The following SGCD variants were observed in gnomAD, a reference collection of about 807,000 sequenced individuals.
SGCD encodes the protein delta-sarcoglycan.
Under a neutral mutation model 36.6 loss-of-function variants are expected in SGCD, and 18 were observed. The ratio of observed to expected loss-of-function variants is 0.49; its 90% confidence interval spans 0.34 to 0.73. The LOEUF is 0.73. Among genes scored for constraint, SGCD ranks in the 30% least tolerant of loss-of-function variants. SGCD has a pLI of 0.01. For missense variants in SGCD, 387 were observed against 346.7 expected, an observed-to-expected ratio of 1.12 and a Z score of -0.92; for synonymous variants, 133 against 130.6, an observed-to-expected ratio of 1.02 and a Z score of -0.12.
chr5:156,642,798 T>A (rs1399501438), intron 6 of SGCD, among the ~76,000 whole-genome samples: 1 of 151,966 alleles, frequency 6.6e-6, no homozygotes, highest in African/African-American at 2.4e-5. Flanking sequence ...ATTTCCCAAC[T>A]GTGAAGCGTT....
intron 2 of SGCD, among the ~76,000 whole-genome samples, chr5:156,120,297 C>A (rs1762007033): frequency 6.6e-6 from 1 of 151,892 alleles, no homozygotes; most frequent in Non-Finnish European, 1.5e-5. Context: ...AGTGTTGTTC[C>A]CAAGAAAACC....
chr5:156,428,966 C>T (rs2127786056), intron 3 of SGCD, among the ~76,000 whole-genome samples: 1 of 152,060 alleles, frequency 6.6e-6, no homozygotes, highest in East Asian at 1.9e-4. Flanking sequence ...TATGGTCTAT[C>T]TTAGAGAATA....
the SGCD span, among the ~76,000 whole-genome samples, chr5:155,731,182 TAGAAAG>T: frequency 1.0e-3 from 153 of 145,846 alleles, no homozygotes; most frequent in African/African-American, 3.4e-3. Context: ...CACACAGAGA[TAGAAAG>T]AGAGAGGGAG....
Position 156,644,446 on chromosome 5 carries a change from A to G in SGCD, c.503-3018A>G, listed in dbSNP as rs565407178. 2.6e-5 allele frequency among the ~76,000 whole-genome samples: 4 copies of G among 151,228 alleles called. No individual in the cohort carries two copies. The South Asian group carries it at 6.3e-4, about 24-fold the overall frequency. ...GGCTTTGATGTTTTAGTTAAGTTTC[A>G]TTTTTGCTCTCTGCCATTTTATCTA... On this transcript the variant is annotated intron_variant, in intron 6 of 8. Transcript: ENST00000337851.
chr5:155,833,245 G>A, the SGCD span, among the ~76,000 whole-genome samples: 23 of 151,654 alleles, frequency 1.5e-4, no homozygotes, highest in African/African-American at 5.6e-4. Flanking sequence ...AAGTCAGAAG[G>A]TACTGAGATC....
intron 3 of SGCD, among the ~76,000 whole-genome samples, chr5:156,403,531 A>G (rs1772262466): frequency 6.6e-6 from 1 of 152,300 alleles, no homozygotes; most frequent in East Asian, 1.9e-4. Flanking sequence ...TGCTAAGGAA[A>G]CTGTAATGAT....
the SGCD span, among the ~76,000 whole-genome samples, chr5:155,854,336 C>A: frequency 6.6e-6 from 1 of 152,154 alleles, no homozygotes; most frequent in African/African-American, 2.4e-5. Context: ...GGTTGAGAAC[C>A]ACAGCTCTTA....
chr5:156,111,289 C>T (rs1039497595), intron 1 of SGCD, among the ~76,000 whole-genome samples: 1 of 152,136 alleles, frequency 6.6e-6, no homozygotes, highest in African/African-American at 2.4e-5. Context: ...GGCTGGTGCA[C>T]ACTGAGTAGG....
the SGCD span, among the ~76,000 whole-genome samples, chr5:155,833,648 A>G: frequency 1.3e-5 from 2 of 152,210 alleles, no homozygotes; most frequent in Admixed American, 1.3e-4. Context: ...TGCGAGCTCC[A>G]GTCTTGTTAC....
At chr5:155,908,068 T>C (rs1482749910) in intron 1 of SGCD, among the ~76,000 whole-genome samples, 1 of 152,138 alleles carries the variant, frequency 6.6e-6, no homozygotes, top group African/African-American at 2.4e-5. Context: ...AGCAAAAAGA[T>C]TGCAAGTCAC....
intron 4 of SGCD, among the ~76,000 whole-genome samples, chr5:156,568,489 A>T (rs1202341099): frequency 6.6e-6 from 1 of 152,226 alleles, no homozygotes; most frequent in African/African-American, 2.4e-5. Context: ...CGACGGCCAT[A>T]AAGTCTGGAA....
Position 156,453,909 on chromosome 5 carries a change from A to C in SGCD, c.193-54692A>C, listed in dbSNP as rs116419896. Among the ~76,000 whole-genome samples, 426 of 152,286 alleles carry C rather than the reference A, an allele frequency of 2.8e-3. 4 individuals are homozygous for C. The highest frequency in any genetic ancestry group is 9.1e-3 in the African/African-American group (380 of 41,568). ...TACAAAATTCTAGAACATGAAAACT[A>C]ATCTACGATAAGAGAAAACAGACCA... On this transcript the variant is annotated intron_variant, in intron 3 of 8. Coordinates refer to ENST00000337851, the MANE Select transcript of SGCD (RefSeq NM_000337.6).
At chr5:155,876,173 A>G (rs554243182) in intron 1 of SGCD, among the ~76,000 whole-genome samples, 231 of 147,782 alleles carry the variant, frequency 1.6e-3, no homozygotes, top group African/African-American at 5.6e-3. Flanking sequence ...AGCATTAGGT[A>G]TATCTCCCAA....
intron 2 of SGCD, among the ~76,000 whole-genome samples, chr5:156,341,652 G>C (rs564786234): frequency 6.6e-6 from 1 of 152,120 alleles, no homozygotes; most frequent in Admixed American, 6.5e-5. Context: ...TGATGCCTGG[G>C]TGCTACCTCT....
the SGCD span, among the ~76,000 whole-genome samples, chr5:155,788,480 T>C: frequency 2.1e-3 from 327 of 152,274 alleles, 3 homozygotes; most frequent in African/African-American, 7.6e-3. Flanking sequence ...TATAATATTA[T>C]TTCTATATCA....
At chr5:156,309,014 A>C (rs1436720661) in intron 3 of SGCD, among the ~76,000 whole-genome samples, 1 of 152,080 alleles carries the variant, frequency 6.6e-6, no homozygotes, top group South Asian at 2.1e-4. Context: ...GTTGCTAATA[A>C]ATTTATTGAG....
At chr5:156,751,935 G>A (rs1757161414) in intron 7 of SGCD, among the ~76,000 whole-genome samples, 1 of 152,208 alleles carries the variant, frequency 6.6e-6, no homozygotes, top group African/African-American at 2.4e-5. Flanking sequence ...ACATTAGTCT[G>A]AAAGAGACTT....
At chr5:155,802,074 C>T in the SGCD span, among the ~76,000 whole-genome samples, 1 of 152,302 alleles carries the variant, frequency 6.6e-6, no homozygotes, top group South Asian at 2.1e-4. Flanking sequence ...AAAGTGGACG[C>T]CTGACCCAAG....
intron 7 of SGCD, among the ~76,000 whole-genome samples, chr5:156,676,157 C>T (rs987786926): frequency 3.9e-5 from 6 of 152,166 alleles, no homozygotes; most frequent in African/African-American, 1.4e-4. Flanking sequence ...TTTGATCCTC[C>T]ATTAAGTTGT....
Sources: gnomAD v4.1 joint callset for allele counts (sites outside exome capture counted in the v4.1 genomes callset) on GRCh38, gnomAD v4.1.1 for gene constraint, MANE v1.5 for transcripts, NCBI Gene and HGNC (gene_info 2026-07-23, HGNC 2026-07-21) for gene names.